The following CTNNA3 variants were observed in gnomAD, a reference collection of about 807,000 sequenced individuals.
The protein encoded by CTNNA3 is catenin alpha-3.
Under a neutral mutation model 95.7 loss-of-function variants are expected in CTNNA3, and 76 were observed. The ratio of observed to expected loss-of-function variants is 0.79; its 90% CI spans 0.66 to 0.96. The LOEUF (loss-of-function observed/expected upper bound fraction) is 0.96. Among genes scored for constraint, CTNNA3 ranks in the 40% least tolerant of loss-of-function variants. The pLI is 0.00. For synonymous variants in CTNNA3, 431 were observed against 374.4 expected (o/e 1.15, Z -1.74); for missense variants, 1,191 against 1,089.8 (o/e 1.09, Z -1.31).
At chr10:66,348,759 G>A (rs1326580369) in intron 12 of CTNNA3, among the ~76,000 whole-genome samples, 1 of 152,080 alleles carries the variant, frequency 6.6e-6, no homozygotes, top group South Asian at 2.1e-4. Context: ...ATGATGTGAT[G>A]TAATCTACCA....
chr10:66,443,862 G>T (rs958856259), intron 11 of CTNNA3, among the ~76,000 whole-genome samples: 54 of 152,090 alleles, frequency 3.6e-4, no homozygotes, highest in African/African-American at 1.1e-3. Context: ...GGCTTCAGAC[G>T]ATCAAACTAC....
At chr10:66,533,089 C>T (rs1841527742) in intron 10 of CTNNA3, among the ~76,000 whole-genome samples, 1 of 152,130 alleles carries the variant, frequency 6.6e-6, no homozygotes, top group Non-Finnish European at 1.5e-5. Context: ...CACAAAATTC[C>T]TGCCTCCTCT....
chr10:66,621,393 G>A (rs547697714), intron 10 of CTNNA3, among the ~76,000 whole-genome samples: 1 of 152,074 alleles, frequency 6.6e-6, no homozygotes, highest in Non-Finnish European at 1.5e-5. Flanking sequence ...GGAGGCCGAG[G>A]TGGGCAGATC....
chr10:67,143,080 G>A (rs1201410924), intron 7 of CTNNA3, among the ~76,000 whole-genome samples: 4 of 151,916 alleles, frequency 2.6e-5, no homozygotes, highest in Admixed American at 2.6e-4. Flanking sequence ...GGGTGGCTGT[G>A]GCAATTTTTG....
chr10:66,806,634 G>A (rs2132250673), intron 7 of CTNNA3, among the ~76,000 whole-genome samples: 1 of 151,966 alleles, frequency 6.6e-6, no homozygotes, highest in African/African-American at 2.4e-5. Context: ...TCCATACGCA[G>A]ATATACTCAA....
intron 7 of CTNNA3, among the ~76,000 whole-genome samples, chr10:66,866,385 T>C (rs547060108): frequency 2.6e-5 from 4 of 152,358 alleles, no homozygotes; most frequent in South Asian, 4.1e-4. Context: ...GAGCTTAGAA[T>C]GTTGCCTACG....
intron 3 of CTNNA3, among the ~76,000 whole-genome samples, chr10:67,601,864 C>T (rs572426664): frequency 2.6e-5 from 4 of 152,188 alleles, no homozygotes; most frequent in Non-Finnish European, 5.9e-5. Flanking sequence ...TTCCTTTCAC[C>T]GTCTCTCCTT....
chr10:67,102,516 A>T (rs1043524270), intron 7 of CTNNA3, among the ~76,000 whole-genome samples: 6 of 151,764 alleles, frequency 4.0e-5, no homozygotes, highest in African/African-American at 1.4e-4. Flanking sequence ...AAGGACAGTG[A>T]TCTTACAGCA....
At chr10:66,081,734 A>G (rs2080769877) in intron 14 of CTNNA3, among the ~76,000 whole-genome samples, 1 of 152,210 alleles carries the variant, frequency 6.6e-6, no homozygotes, top group Admixed American at 6.5e-5. Flanking sequence ...GGCAAACACC[A>G]CAGTAATTAT....
At chr10:66,529,875 G>T (rs1841405837) in intron 10 of CTNNA3, among the ~76,000 whole-genome samples, 1 of 152,046 alleles carries the variant, frequency 6.6e-6, no homozygotes, top group Admixed American at 6.6e-5. Flanking sequence ...CTGATTTTAT[G>T]CCCATAAAAA....
intron 13 of CTNNA3, among the ~76,000 whole-genome samples, chr10:66,141,095 C>T (rs1288752575): frequency 6.6e-6 from 1 of 151,856 alleles, no homozygotes; most frequent in East Asian, 1.9e-4. Flanking sequence ...TCCAACACTA[C>T]TAAAAAAACA....
At chr10:65,945,158 G>A (rs1476008671) in intron 17 of CTNNA3, among the ~76,000 whole-genome samples, 3 of 148,934 alleles carry the variant, frequency 2.0e-5, no homozygotes, top group African/African-American at 7.6e-5. Flanking sequence ...GTGTGTGTGT[G>A]TGTATATATA....
chr10:66,358,729 A>G (rs1243684470), intron 12 of CTNNA3, among the ~76,000 whole-genome samples: 1 of 152,208 alleles, frequency 6.6e-6, no homozygotes, highest in African/African-American at 2.4e-5. Flanking sequence ...AGTTCAGTAT[A>G]ATTTTAGTTG....
At chr10:67,194,840 T>C (rs181907030) in intron 6 of CTNNA3, among the ~76,000 whole-genome samples, 2 of 151,858 alleles carry the variant, frequency 1.3e-5, no homozygotes, top group Admixed American at 1.3e-4. Context: ...TCTGTAAGTT[T>C]CTCTCAATTT....
At chr10:67,476,765 T>G (rs1380087436) in intron 5 of CTNNA3, among the ~76,000 whole-genome samples, 1 of 151,662 alleles carries the variant, frequency 6.6e-6, no homozygotes, top group Non-Finnish European at 1.5e-5. Context: ...TGGGGCCCTA[T>G]GTACTCCATA....
chr10:67,610,156 A>C (rs191434873), intron 2 of CTNNA3, among the ~76,000 whole-genome samples: 32 of 152,336 alleles, frequency 2.1e-4, no homozygotes, highest in Admixed American at 1.1e-3. Context: ...GATGCTTCCC[A>C]CTGCACATTC....
intron 5 of CTNNA3, among the ~76,000 whole-genome samples, chr10:67,255,864 T>C (rs776704872): frequency 6.6e-6 from 1 of 152,200 alleles, no homozygotes; most frequent in Non-Finnish European, 1.5e-5. Context: ...GCTTATTTAA[T>C]GTCATTCAGC....
chr10:66,791,307 T>A (rs1399985233), intron 7 of CTNNA3, among the ~76,000 whole-genome samples: 1 of 152,180 alleles, frequency 6.6e-6, no homozygotes, highest in Non-Finnish European at 1.5e-5. Flanking sequence ...TCCAGCTCCA[T>A]CTCAAGCCAC....
At chr10:66,308,733 T>G (rs887549455) in intron 12 of CTNNA3, among the ~76,000 whole-genome samples, 1 of 152,174 alleles carries the variant, frequency 6.6e-6, no homozygotes, top group Non-Finnish European at 1.5e-5. Flanking sequence ...ATTATGTCAG[T>G]GAAGACAATT....
Sources: gnomAD v4.1 joint callset for allele counts (sites outside exome capture counted in the v4.1 genomes callset) on GRCh38, gnomAD v4.1.1 for gene constraint, MANE v1.5 for transcripts, NCBI Gene and HGNC (gene_info 2026-07-23, HGNC 2026-07-21) for gene names.